Variants in TLCD2 observed in about 807,000 individuals in gnomAD.
TLCD2 encodes the protein TLC domain-containing protein 2.
Under a neutral mutation model 14.0 loss-of-function variants are expected in TLCD2, and 12 were observed. The ratio of observed to expected loss-of-function variants is 0.86; its 90% CI spans 0.55 to 1.39. The LOEUF is 1.39. Ranked by LOEUF, TLCD2 falls within the 40% of genes most tolerant of loss-of-function variation. TLCD2 has a pLI of 0.00. For synonymous variants in TLCD2, 166 were observed against 156.5 expected (o/e 1.06, Z -0.45); for missense variants, 360 against 346.8 (o/e 1.04, Z -0.30).
In TLCD2 at chr17:1,708,012, T is replaced by C; in HGVS notation, c.553A>G (p.Ser185Gly). ...LFRLVPLGWM[S>G]LWLFRQHHQV... ...TGGTGCTGCCGGAACAGCCACAGAC[T>C]CATCCACCCCAGCGGGACCAGGCGG... Residue 185 changes from serine (S) to glycine (G), a missense_variant, in exon 4 of 4, where the codon AGT becomes GGT. By Grantham distance (56) the Ser-to-Gly change is moderately conservative. Coordinates refer to ENST00000330676, the MANE Select transcript of TLCD2 (RefSeq NM_001164407.2). 6.5e-7 allele frequency: 1 copy of C among 1,537,176 alleles called. No individual in the cohort carries two copies. Among genetic ancestry groups the C allele is most frequent in the Non-Finnish European group, 8.7e-7 (1 of 1,146,890 alleles).
chr17:1,710,285 C>G lies in TLCD2; in HGVS notation c.-43G>C. On this transcript the variant is annotated 5_prime_UTR_variant, in exon 1 of 4. Coordinates refer to ENST00000330676, the MANE Select transcript of TLCD2 (RefSeq NM_001164407.2). The surrounding 1 kb of genome is among the most constrained non-coding windows in gnomAD (Gnocchi z 6.1). ...GTTGCGGGGAGTCCGGGTCGGTCCC[C>G]TCGGCGCCCGCGCTCTCGGCCGGGA... The G allele has an allele frequency of 1.4e-6, 2 of 1,424,606 alleles. No homozygotes were observed. Among genetic ancestry groups the G allele is most frequent in the Non-Finnish European group, 1.8e-6 (2 of 1,097,014 alleles). The allele number at this position is 1,424,606 out of a possible 1,614,324, so 88.2% of individuals were successfully genotyped here.
chr17:1,710,030 C>T lies in TLCD2; in HGVS notation c.176+37G>A, dbSNP rs1486524260. On this transcript the variant is annotated intron_variant, in intron 1 of 3. Coordinates refer to ENST00000330676, the MANE Select transcript of TLCD2 (RefSeq NM_001164407.2). The surrounding 1 kb of genome is among the most constrained non-coding windows in gnomAD (Gnocchi z 6.1). ...CCCGGCCTCAGCCTCCCACCCCTCG[C>T]CCTCGCCCCGTGCGCCTCGAGCCCC... The T allele has an allele frequency of 1.3e-6, 2 of 1,529,206 alleles. No homozygotes were observed. Among genetic ancestry groups the T allele is most frequent in the Middle Eastern group, 2.3e-4 (1 of 4,374 alleles). The allele number at this position is 1,529,206 out of a possible 1,614,324, so 94.7% of individuals were successfully genotyped here. A position where few individuals can be genotyped will look rare whatever the true frequency, so the allele number is the denominator to read the frequency against.
Position 1,703,482 on chromosome 17 carries a change from C to G in TLCD2, c.*4288G>C, listed in dbSNP as rs886468162. 2.0e-5 allele frequency: 3 copies of G among 152,276 alleles called. No individual in the cohort carries two copies. The highest frequency in any genetic ancestry group is 4.4e-5 in the Non-Finnish European group (3 of 68,072). The allele number at this position is 152,276 out of a possible 1,614,324, so 9.4% of individuals were successfully genotyped here. ...CCAGGCTGGAGTGCAGTGGCACGAT[C>G]TTGGCTCACTGCAAGCTCCGCCTCC... On this transcript the variant is annotated 3_prime_UTR_variant, in exon 4 of 4. Coordinates refer to ENST00000330676, the MANE Select transcript of TLCD2 (RefSeq NM_001164407.2).
rs1914005304 is a variant in TLCD2, at chr17:1,705,544, A to G, written c.*2226T>C. The G allele has an allele frequency of 6.6e-6, 1 of 152,124 alleles. No individual in the cohort carries two copies. The highest frequency in any genetic ancestry group is 6.6e-5 in the Admixed American group (1 of 15,250). The allele number at this position is 152,124 out of a possible 1,614,324, so 9.4% of individuals were successfully genotyped here. ...ACTTTGGTGTCTCTCAGGATCTATG[A>G]CAGCCTTTCTCCATATTTCTGCTAG... On this transcript the variant is annotated 3_prime_UTR_variant, in exon 4 of 4. Coordinates refer to ENST00000330676, the MANE Select transcript of TLCD2 (RefSeq NM_001164407.2).
intron 3 of TLCD2, among the ~76,000 whole-genome samples, chr17:1,709,279 A>G (rs867315726): frequency 6.6e-6 from 1 of 151,040 alleles, no homozygotes; most frequent in East Asian, 2.0e-4. Context: ...AATCCCAGCT[A>G]CGTGGGAGGC....
intron 3 of TLCD2, among the ~76,000 whole-genome samples, chr17:1,708,822 C>T (rs749588524): frequency 2.6e-5 from 4 of 152,194 alleles, no homozygotes; most frequent in Non-Finnish European, 4.4e-5. Flanking sequence ...TATACCAGGA[C>T]ACCCCCTTCT....
intron 2 of TLCD2, 95 bp from the exon 3 acceptor site, chr17:1,709,676 A>G: frequency 1.2e-6 from 1 of 869,510 alleles, no homozygotes; most frequent in Non-Finnish European, 1.7e-6. Context: ...CCCAGTTCTT[A>G]GTTTTCCCTT....
chr17:1,708,061 G>A lies in TLCD2; in HGVS notation c.504C>T (p.Ala168=), dbSNP rs1361757991. The change falls in exon 4 of 4, where the codon GCC becomes GCT. Residue 168 remains alanine (A), a synonymous_variant. Transcript: ENST00000330676. ...PSLAFSVTSW[A]SLATLALFRL... is the part of the protein sequence containing the mutation. Reference sequence around the variant, plus strand: ...GGAAGAGGGCCAAGGTGGCCAAGGAGGCCCAGCTGGTCACGCTGAAGGCCA... The same window carrying A: ...GGAAGAGGGCCAAGGTGGCCAAGGAAGCCCAGCTGGTCACGCTGAAGGCCA... The A allele has an allele frequency of 1.3e-6, 2 of 1,537,100 alleles. No individual in the cohort carries two copies. The highest frequency in any genetic ancestry group is 2.4e-5 in the East Asian group (1 of 40,930).
chr17:1,705,574 T>G lies in TLCD2; in HGVS notation c.*2196A>C. The stretch of plus-strand genomic sequence containing the variant: ...CTTTCTCCATATTTCTGCTAGGGCC[T>G]GTCTCTTTTGCCCTCCATCCTTCTT... On this transcript the variant is annotated 3_prime_UTR_variant, in exon 4 of 4. Transcript: ENST00000330676. 6.6e-6 allele frequency: 1 copy of G among 152,436 alleles called. No individual in the cohort carries two copies. The highest frequency in any genetic ancestry group is 1.5e-5 in the Non-Finnish European group (1 of 68,116). The allele number at this position is 152,436 out of a possible 1,614,324, so 9.4% of individuals were successfully genotyped here.
At position 1,709,533 on chromosome 17, in the gene TLCD2, C is replaced by T; in HGVS notation, c.308G>A (p.Gly103Asp). 6.5e-7 allele frequency: 1 copy of T among 1,537,138 alleles called. No homozygotes were observed. The highest frequency in any genetic ancestry group is 8.7e-7 in the Non-Finnish European group (1 of 1,146,884). Residue 103 changes from glycine to aspartate, a missense_variant, in exon 3 of 4, where the codon GGC (glycine) becomes GAC (aspartate). By Grantham distance (94) the Gly-to-Asp change is moderately conservative (BLOSUM62 -1). Transcript: ENST00000330676. Reference protein sequence around the residue: ...GADLLWNQTLGKTWDLLCHHL... With the variant: ...GADLLWNQTLDKTWDLLCHHL... ...ATGACAGAGAAGATCCCAGGTCTTG[C>T]CCAAGGTCTGGTTCCACAGCAGGTC...
In TLCD2 at chr17:1,707,934, C is replaced by G; in HGVS notation, c.631G>C (p.Gly211Arg). Residue 211 changes from glycine to arginine, a missense_variant, in exon 4 of 4, where the codon GGC becomes CGC. Transcript: ENST00000330676. ...ATCCCCAATATGATGCTCATGATGC[C>G]CACAGTGACCAGCCCAATTCCACCC... is the stretch of plus-strand genomic sequence containing the variant. ...TLGGIGLVTV[G>R]IMSIILGIRI... 1 of 1,537,286 alleles carries G rather than the reference C, an allele frequency of 6.5e-7. No individual in the cohort carries two copies. Among genetic ancestry groups the G allele is most frequent in the Non-Finnish European group, 8.7e-7 (1 of 1,146,920 alleles).
At chr17:1,709,603 T>C in intron 2 of TLCD2, 22 bp from the exon 3 acceptor site, 1 of 1,533,836 alleles carries the variant, frequency 6.5e-7, no homozygotes, top group Non-Finnish European at 8.7e-7. Context: ...GGGGTAGGGG[T>C]TAGGCTGCTC....
chr17:1,709,722 G>A, intron 2 of TLCD2, 82 bp downstream of exon 2: 1 of 1,215,680 alleles, frequency 8.2e-7, no homozygotes, highest in Non-Finnish European at 1.2e-6. Context: ...CCCCATGGGG[G>A]CGGGGAATGG....
In TLCD2 at chr17:1,707,720, T is replaced by C. The variant is rs1190933298; in HGVS notation, c.*50A>G. The C allele has an allele frequency of 7.1e-7, 1 of 1,411,662 alleles. No homozygotes were observed. The highest frequency in any genetic ancestry group is 2.7e-5 in the Admixed American group (1 of 37,280). 87.4% of individuals were successfully genotyped at this position (1,411,662 alleles called of 1,614,324 possible). A position where few individuals can be genotyped will look rare whatever the true frequency, so the allele number is the denominator to read the frequency against. ...GGGGACTGTGCATGGAAGACCCTCA[T>C]CTCCTTGTCCTGGCCCCACCTCCCC... On this transcript the variant is annotated 3_prime_UTR_variant, in exon 4 of 4. Transcript: ENST00000330676.
chr17:1,706,689 G>C lies in TLCD2; in HGVS notation c.*1081C>G, dbSNP rs980356107. On this transcript the variant is annotated 3_prime_UTR_variant, in exon 4 of 4. Transcript: ENST00000330676. ...GGCTGAGGTGGGAGGCAGGAGAATT[G>C]CTTGAGCCTGGGAGGCAGAGATTGC... 1 of 149,070 alleles carries C rather than the reference G, an allele frequency of 6.7e-6. No individual in the cohort carries two copies. Among genetic ancestry groups the C allele is most frequent in the African/African-American group, 2.5e-5 (1 of 40,274 alleles). The allele number at this position is 149,070 out of a possible 1,614,324, so 9.2% of individuals were successfully genotyped here.
intron 3 of TLCD2, 71 bp downstream of exon 3, chr17:1,709,428 G>C (rs1428470386): frequency 3.8e-5 from 28 of 734,846 alleles, no homozygotes; most frequent in South Asian, 3.4e-4. Context: ...AATGAGGAGA[G>C]ACTGGGAACC....
In TLCD2 at chr17:1,708,091, TG is replaced by T. The variant is rs1466140660; in HGVS notation, c.473del (p.Pro158HisfsTer7). ...AGCTGGTCACGCTGAAGGCCAGGGATGGGGCCTGGCGAGAAAGCAACAGCAG... is the reference window on the plus strand; with the variant it reads ...AGCTGGTCACGCTGAAGGCCAGGGATGGGCCTGGCGAGAAAGCAACAGCAG... ...RKLLLLSRQA[P>X]SLAFSVTSWA... On this transcript the variant is annotated frameshift_variant, in exon 4 of 4. Transcript: ENST00000330676. LOFTEE classifies it low-confidence loss of function (END_TRUNC). The T allele has an allele frequency of 6.5e-6, 10 of 1,537,070 alleles. No homozygotes were observed. In the Admixed American group the frequency reaches 2.0e-4, roughly 30 times the overall value.
Position 1,703,967 on chromosome 17 carries a change from A to C in TLCD2, c.*3803T>G, listed in dbSNP as rs1023803650. 2.6e-5 allele frequency: 4 copies of C among 151,642 alleles called. No individual in the cohort carries two copies. The highest frequency in any genetic ancestry group is 9.7e-5 in the African/African-American group (4 of 41,278). The allele number at this position is 151,642 out of a possible 1,614,324, so 9.4% of individuals were successfully genotyped here. On this transcript the variant is annotated 3_prime_UTR_variant, in exon 4 of 4. Coordinates refer to ENST00000330676, the MANE Select transcript of TLCD2 (RefSeq NM_001164407.2). ...TGGCCGGGTGTGTTGGCTCACGCAT[A>C]TAATCCCAGTAGTTTGGGAGCCCAA...
rs70956738 is a variant in TLCD2 at position 1,708,479 on chromosome 17, C to CT, written c.343-258dup. Among the ~76,000 whole-genome samples the CT allele has an allele frequency of 5.0e-3, 239 of 47,864 alleles. 5 individuals carry two copies. The highest frequency in any genetic ancestry group is 7.6e-3 in the South Asian group (8 of 1,054). 31.4% of individuals were successfully genotyped at this position (47,864 alleles called of 152,430 possible). ...AACCTCCCATTCCTGGGCTTGCTTG[C>CT]TTTTTTTTTTTTTTTTTTTTTTTTT... On this transcript the variant is annotated intron_variant, in intron 3 of 3. Coordinates refer to ENST00000330676, the MANE Select transcript of TLCD2 (RefSeq NM_001164407.2).
Sources: gnomAD v4.1 joint callset for allele counts (sites outside exome capture counted in the v4.1 genomes callset) on GRCh38, gnomAD v4.1.1 for gene constraint, Gnocchi (gnomAD v3.1) non-coding constraint, MANE v1.5 for transcripts, NCBI Gene and HGNC (gene_info 2026-07-23, HGNC 2026-07-21) for gene names.